Variants in PRKCA observed in about 807,000 individuals in gnomAD.
The protein encoded by PRKCA is protein kinase C alpha type.
A neutral mutation model predicts 87.0 loss-of-function variants in PRKCA; 27 were observed. The observed-to-expected ratio is 0.31, with a 90% CI of 0.23 to 0.43. The LOEUF (loss-of-function observed/expected upper bound fraction) is 0.43. PRKCA is among the 20% of genes least tolerant of loss of function. The probability of loss-of-function intolerance (pLI) is 1.00; values close to 1 mark genes in which losing one functional copy is unlikely to be tolerated. For synonymous variants in PRKCA, 329 were observed against 311.1 expected (o/e 1.06, Z -0.61); for missense variants, 518 against 852.3 (o/e 0.61, Z 4.88).
At chr17:66,521,473 A>G (rs576665267) in intron 3 of PRKCA, among the ~76,000 whole-genome samples, 2 of 152,316 alleles carry the variant, frequency 1.3e-5, no homozygotes, top group Admixed American at 6.5e-5. Context: ...AACTTTTTCT[A>G]ATAAGTACTA....
At position 66,502,237 on chromosome 17, in the gene PRKCA, AT is replaced by A. The variant is rs537230381; in HGVS notation, c.288+5966del. ...TTATTAGCACATTAAGCCCTTTTTA[AT>A]TTTTTTTTTTTCTTGAGACAGAGTC... On this transcript the variant is annotated intron_variant, in intron 3 of 16. Coordinates refer to ENST00000413366, the MANE Select transcript of PRKCA (RefSeq NM_002737.3). Among the ~76,000 whole-genome samples the A allele has an allele frequency of 3.4e-4, 50 of 146,738 alleles. No homozygotes were observed. The South Asian group carries it at 4.1e-3, about 12-fold the overall frequency.
At chr17:66,759,941 G>C (rs1441639999) in intron 13 of PRKCA, among the ~76,000 whole-genome samples, 1 of 152,204 alleles carries the variant, frequency 6.6e-6, no homozygotes, top group Non-Finnish European at 1.5e-5. Flanking sequence ...AAACATGATA[G>C]AACTGCAGGT....
intron 8 of PRKCA, among the ~76,000 whole-genome samples, chr17:66,723,265 G>T (rs1384544040): frequency 6.6e-6 from 1 of 152,206 alleles, no homozygotes; most frequent in Non-Finnish European, 1.5e-5. Context: ...CACGGAGCAG[G>T]TGCATGCCAG....
chr17:66,386,120 G>A (rs1001621466), intron 2 of PRKCA, among the ~76,000 whole-genome samples: 6 of 152,128 alleles, frequency 3.9e-5, no homozygotes, highest in Admixed American at 1.3e-4. Context: ...AGATGTAACC[G>A]CTTTTGAAGT....
chr17:66,342,441 AAATAATAATAATAATAATAATAATAAT>A (rs199510095), intron 2 of PRKCA, among the ~76,000 whole-genome samples: 3 of 142,988 alleles, frequency 2.1e-5, no homozygotes, highest in Admixed American at 7.1e-5. Context: ...AAAATAAAAT[AAATAATAATAATAATAATAATAATAAT>A]AATAATAATA....
chr17:66,308,455 A>G (rs1904932107), intron 2 of PRKCA, among the ~76,000 whole-genome samples: 1 of 152,106 alleles, frequency 6.6e-6, no homozygotes, highest in Admixed American at 6.5e-5. Flanking sequence ...ACTCTACCTA[A>G]TATTTGAAAC....
At chr17:66,731,351 GAAA>G (rs5821509) in intron 8 of PRKCA, among the ~76,000 whole-genome samples, 7 of 112,442 alleles carry the variant, frequency 6.2e-5, no homozygotes, top group Admixed American at 9.4e-5. Flanking sequence ...CTCCGTCTCA[GAAA>G]AAAAAAAAAA....
At chr17:66,533,788 G>C (rs1446405220) in intron 3 of PRKCA, among the ~76,000 whole-genome samples, 2 of 152,162 alleles carry the variant, frequency 1.3e-5, no homozygotes, top group Non-Finnish European at 2.9e-5. Context: ...AGTTGCTCAG[G>C]CTTCTTTCTG....
At chr17:66,638,941 C>G (rs1004926587) in intron 3 of PRKCA, among the ~76,000 whole-genome samples, 1 of 152,190 alleles carries the variant, frequency 6.6e-6, no homozygotes, top group African/African-American at 2.4e-5. Flanking sequence ...CAGTCAGAAT[C>G]ACCTTTGGAA....
intron 3 of PRKCA, among the ~76,000 whole-genome samples, chr17:66,524,090 A>G (rs559747610): frequency 6.6e-6 from 1 of 152,282 alleles, no homozygotes; most frequent in East Asian, 1.9e-4. Context: ...AGCCTCTGCA[A>G]CATATACAGG....
At chr17:66,725,711 G>A (rs970042025) in intron 8 of PRKCA, among the ~76,000 whole-genome samples, 1 of 151,906 alleles carries the variant, frequency 6.6e-6, no homozygotes, top group African/African-American at 2.4e-5. Context: ...TCAGGAGGCT[G>A]AGATGGGCGG....
At chr17:66,756,049 A>G (rs1974540060) in intron 13 of PRKCA, among the ~76,000 whole-genome samples, 1 of 152,212 alleles carries the variant, frequency 6.6e-6, no homozygotes, top group South Asian at 2.1e-4. Flanking sequence ...CTAAGTGTGG[A>G]CAAGTCTGAG....
At position 66,806,003 on chromosome 17, in the gene PRKCA, T is replaced by C. The variant is rs1021324062; in HGVS notation, c.*1966T>C. 4.6e-5 allele frequency: 7 copies of C among 152,242 alleles called. No individual in the cohort carries two copies. The highest frequency in any genetic ancestry group is 1.4e-4 in the African/African-American group (6 of 41,456). The allele number at this position is 152,242 out of a possible 1,614,324, so 9.4% of individuals were successfully genotyped here. A position where few individuals can be genotyped will look rare whatever the true frequency, so the allele number is the denominator to read the frequency against. ...GCCGTGCCCTGCAGGCACCAGCACG[T>C]GCTTTTCAGAGGCTGCGGACTTTCT... On this transcript the variant is annotated 3_prime_UTR_variant, in exon 17 of 17. Transcript: ENST00000413366.
intron 3 of PRKCA, among the ~76,000 whole-genome samples, chr17:66,511,257 G>T (rs1436427575): frequency 1.3e-5 from 2 of 152,158 alleles, no homozygotes; most frequent in Non-Finnish European, 2.9e-5. Flanking sequence ...GATCTTCTCT[G>T]TGGAGGTGGG....
rs141367227 is a variant in PRKCA at position 66,348,158 on chromosome 17, T to C, written c.205+42031T>C. ...GGTTTCACCATGTTTGCCAGGCTGGTCTCCAACTCCTGGCCTCATGTGATC... is the reference window on the plus strand; with the variant it reads ...GGTTTCACCATGTTTGCCAGGCTGGCCTCCAACTCCTGGCCTCATGTGATC... On this transcript the variant is annotated intron_variant, in intron 2 of 16. Coordinates refer to ENST00000413366, the MANE Select transcript of PRKCA (RefSeq NM_002737.3). Among the ~76,000 whole-genome samples, 796 of 152,098 alleles carry C rather than the reference T, an allele frequency of 5.2e-3. 21 individuals are homozygous for C. The highest frequency in any genetic ancestry group is 0.046 in the Admixed American group (703 of 15,266).
At chr17:66,310,076 C>T (rs1178298254) in intron 2 of PRKCA, among the ~76,000 whole-genome samples, 3 of 152,052 alleles carry the variant, frequency 2.0e-5, no homozygotes, top group Non-Finnish European at 4.4e-5. Flanking sequence ...CCTCCTTAGG[C>T]GGAGCAACAC....
At chr17:66,551,482 T>C (rs542084318) in intron 3 of PRKCA, among the ~76,000 whole-genome samples, 1 of 152,376 alleles carries the variant, frequency 6.6e-6, no homozygotes, top group East Asian at 1.9e-4. Flanking sequence ...ATTCTCGCCA[T>C]AGGGCAGCTC....
intron 3 of PRKCA, among the ~76,000 whole-genome samples, chr17:66,520,033 T>C (rs1410105755): frequency 1.3e-5 from 2 of 151,912 alleles, no homozygotes; most frequent in East Asian, 3.9e-4. Flanking sequence ...CTGGTTTGTT[T>C]TGTTTGTTTG....
chr17:66,486,394 C>A (rs765135503), intron 2 of PRKCA, among the ~76,000 whole-genome samples: 1 of 152,190 alleles, frequency 6.6e-6, no homozygotes, highest in Non-Finnish European at 1.5e-5. Flanking sequence ...TCATCATCTG[C>A]ATCCTTCTAA....
Sources: allele counts gnomAD v4.1 joint callset (sites outside exome capture counted in the v4.1 genomes callset), GRCh38; gene constraint gnomAD v4.1.1; transcripts MANE v1.5; gene names NCBI Gene and HGNC (gene_info 2026-07-23, HGNC 2026-07-21).